ITGA9: variants seen among roughly 807,000 people sequenced by gnomAD.
The protein encoded by ITGA9 is integrin subunit alpha 9.
Under a neutral mutation model 127.8 loss-of-function variants are expected in ITGA9, and 56 were observed. The ratio of observed to expected loss-of-function variants is 0.44; its 90% CI spans 0.35 to 0.55. ITGA9 has a LOEUF of 0.55. ITGA9 is among the 20% of genes least tolerant of loss of function. ITGA9 has a pLI of 0.00. For missense variants in ITGA9, 1,196 were observed against 1,347.1 expected (o/e 0.89, Z 1.76); for synonymous variants, 508 against 514.5 (o/e 0.99, Z 0.17).
intron 16 of ITGA9, among the ~76,000 whole-genome samples, chr3:37,637,540 C>G (rs535411191): frequency 6.6e-6 from 1 of 152,058 alleles, no homozygotes; most frequent in Non-Finnish European, 1.5e-5. Flanking sequence ...GGGGCTGAGA[C>G]GAAGGGGTTT....
intron 1 of ITGA9, among the ~76,000 whole-genome samples, chr3:37,468,133 C>T (rs1254415419): frequency 6.6e-6 from 1 of 152,076 alleles, no homozygotes; most frequent in Non-Finnish European, 1.5e-5. Flanking sequence ...AGCCCTGCTT[C>T]TGCTTGGGAA....
At chr3:37,477,975 A>AT (rs891419673) in intron 3 of ITGA9, among the ~76,000 whole-genome samples, 11 of 150,446 alleles carry the variant, frequency 7.3e-5, no homozygotes, top group Admixed American at 2.0e-4. Context: ...CTGTTTCCTG[A>AT]TTTTTTTTAA....
intron 15 of ITGA9, among the ~76,000 whole-genome samples, chr3:37,559,291 C>T (rs1699462796): frequency 6.6e-6 from 1 of 152,116 alleles, no homozygotes; most frequent in Non-Finnish European, 1.5e-5. Context: ...CACACACACA[C>T]ACATATACAC....
At chr3:37,652,254 T>A (rs760241530) in intron 16 of ITGA9, among the ~76,000 whole-genome samples, 7 of 152,174 alleles carry the variant, frequency 4.6e-5, no homozygotes, top group Non-Finnish European at 4.4e-5. Context: ...GCACCTTCCC[T>A]CTGTCCTCAA....
chr3:37,711,510 C>G (rs1041822981), intron 18 of ITGA9, among the ~76,000 whole-genome samples: 1 of 152,138 alleles, frequency 6.6e-6, no homozygotes, highest in Admixed American at 6.5e-5. Flanking sequence ...CTCAAGTAAT[C>G]CTTCCACCTC....
intron 15 of ITGA9, among the ~76,000 whole-genome samples, chr3:37,567,707 A>G (rs961903310): frequency 2.6e-5 from 4 of 152,198 alleles, no homozygotes; most frequent in African/African-American, 4.8e-5. Flanking sequence ...TGCAAGTCCA[A>G]AACCCAGCGG....
chr3:37,478,018 C>T (rs1380170840), intron 3 of ITGA9, among the ~76,000 whole-genome samples: 1 of 151,974 alleles, frequency 6.6e-6, no homozygotes, highest in Non-Finnish European at 1.5e-5. Context: ...AACACACATG[C>T]AGAAAAAGGT....
At chr3:37,699,714 G>A (rs915077693) in intron 18 of ITGA9, among the ~76,000 whole-genome samples, 9 of 152,118 alleles carry the variant, frequency 5.9e-5, no homozygotes, top group Non-Finnish European at 1.2e-4. Flanking sequence ...ATCTGACCCC[G>A]TTGCTGCCTC....
chr3:37,645,639 C>T (rs1431538788), intron 16 of ITGA9, among the ~76,000 whole-genome samples: 1 of 152,142 alleles, frequency 6.6e-6, no homozygotes, highest in South Asian at 2.1e-4. Context: ...ATTATTCAGT[C>T]CAATTCTTCT....
intron 16 of ITGA9, among the ~76,000 whole-genome samples, chr3:37,645,651 CT>C (rs1008612034): frequency 4.8e-4 from 73 of 152,244 alleles, no homozygotes; most frequent in Non-Finnish European, 7.8e-4. Context: ...AATTCTTCTA[CT>C]TTTTTTAGGC....
intron 18 of ITGA9, among the ~76,000 whole-genome samples, chr3:37,720,832 A>G (rs907233284): frequency 6.6e-6 from 1 of 152,234 alleles, no homozygotes; most frequent in East Asian, 1.9e-4. Flanking sequence ...GATTAGTCCT[A>G]AGCAGGGTTG....
chr3:37,778,886 T>C (rs1434146153), intron 24 of ITGA9, among the ~76,000 whole-genome samples: 1 of 149,892 alleles, frequency 6.7e-6, no homozygotes, highest in Non-Finnish European at 1.5e-5. Flanking sequence ...TTTTTTTTTT[T>C]TTTTTTTTTT....
At chr3:37,568,224 C>T (rs897156324) in intron 15 of ITGA9, among the ~76,000 whole-genome samples, 31 of 152,392 alleles carry the variant, frequency 2.0e-4, no homozygotes, top group African/African-American at 7.0e-4. Flanking sequence ...ACAGCTCAAG[C>T]TGTACCTTGG....
intron 9 of ITGA9, 152 bp from the exon 10 acceptor site, chr3:37,517,352 G>A (rs999921933): frequency 5.8e-5 from 40 of 684,244 alleles, no homozygotes; most frequent in Admixed American, 1.1e-4. Flanking sequence ...GGAGAGAGAA[G>A]TTTGGGTTCC....
intron 23 of ITGA9, among the ~76,000 whole-genome samples, chr3:37,756,713 A>C (rs773137918): frequency 3.3e-5 from 5 of 152,224 alleles, no homozygotes; most frequent in Non-Finnish European, 7.4e-5. Flanking sequence ...GGGAATGCAC[A>C]TTCTTTTCAA....
chr3:37,781,240 G>A (rs747786365), intron 25 of ITGA9, among the ~76,000 whole-genome samples: 5 of 152,330 alleles, frequency 3.3e-5, no homozygotes, highest in African/African-American at 4.8e-5. Flanking sequence ...TAGGGACCTC[G>A]CTTTGGATGA....
At chr3:37,608,112 G>A (rs903197483) in intron 15 of ITGA9, among the ~76,000 whole-genome samples, 1 of 152,212 alleles carries the variant, frequency 6.6e-6, no homozygotes, top group Non-Finnish European at 1.5e-5. Context: ...ACATAAACAG[G>A]CACTCTGGGT....
At chr3:37,518,673 CT>C (rs1699011666) in intron 10 of ITGA9, among the ~76,000 whole-genome samples, 1 of 139,186 alleles carries the variant, frequency 7.2e-6, no homozygotes, top group Non-Finnish European at 1.5e-5. Context: ...ATTTGCATTT[CT>C]TTTATTGGAT....
At chr3:37,489,897 G>A (rs1698650557) in intron 4 of ITGA9, among the ~76,000 whole-genome samples, 1 of 152,166 alleles carries the variant, frequency 6.6e-6, no homozygotes, top group Non-Finnish European at 1.5e-5. Context: ...CTTGTGGATG[G>A]AGTAATGGTG....
Sources: gnomAD v4.1 joint callset for allele counts (sites outside exome capture counted in the v4.1 genomes callset) on GRCh38, gnomAD v4.1.1 for gene constraint, MANE v1.5 for transcripts, NCBI Gene and HGNC (gene_info 2026-07-23, HGNC 2026-07-21) for gene names.